Variants in TJP1 observed in about 807,000 individuals in gnomAD.
The protein encoded by TJP1 is tight junction protein ZO-1.
TJP1 carries 43 observed loss-of-function variants against 194.2 expected under a neutral mutation model. The observed-to-expected ratio is 0.22, with a 90% CI of 0.17 to 0.29. The LOEUF is 0.29. TJP1 is among the 10% of genes least tolerant of loss of function. The pLI, the probability that TJP1 is intolerant of heterozygous loss-of-function variation, is 1.00. For missense variants in TJP1, 1,971 were observed against 2,185.7 expected (o/e 0.90, Z 1.96); for synonymous variants, 801 against 779.0 (o/e 1.03, Z -0.47).
chr15:29,783,599 T>C (rs1018791363), intron 2 of TJP1, among the ~76,000 whole-genome samples: 5 of 152,102 alleles, frequency 3.3e-5, no homozygotes, highest in African/African-American at 9.7e-5. Flanking sequence ...AAAGACTAGA[T>C]GAAGTAAATG....
chr15:29,818,786 G>A (rs1714129203), intron 1 of TJP1, among the ~76,000 whole-genome samples: 1 of 148,712 alleles, frequency 6.7e-6, no homozygotes, highest in African/African-American at 2.5e-5. Context: ...AAAGTGCTGG[G>A]ATTACACCGC....
intron 2 of TJP1, among the ~76,000 whole-genome samples, chr15:29,861,943 C>T (rs1157659191): frequency 6.6e-6 from 1 of 152,122 alleles, no homozygotes. Flanking sequence ...AGACTTACTC[C>T]TGTGTTTTCT....
chr15:29,950,173 T>TACCTCCACCACCACC (rs2055674507), intron 2 of TJP1, among the ~76,000 whole-genome samples: 1 of 16,746 alleles, frequency 6.0e-5, no homozygotes, highest in African/African-American at 1.8e-4. Flanking sequence ...CCACAACCAC[T>TACCTCCACCACCACC]ACCTCCACCT....
At chr15:29,943,713 C>T (rs1596300473) in intron 2 of TJP1, among the ~76,000 whole-genome samples, 1 of 148,938 alleles carries the variant, frequency 6.7e-6, no homozygotes, top group African/African-American at 2.5e-5. Flanking sequence ...CTTTGGGAGG[C>T]CAAGGTGGGC....
At position 29,747,691 on chromosome 15, in the gene TJP1, A is replaced by C. The variant is rs1269283554; in HGVS notation, c.1011-4910T>G. ...TTGTAACTGATCAAAACTTCTAAAA[A>C]TTAAAATGTGATTAACAGACATTAC... is the stretch of plus-strand genomic sequence containing the variant. On this transcript the variant is annotated intron_variant, in intron 8 of 27. Coordinates refer to ENST00000614355, the MANE Select transcript of TJP1 (RefSeq NM_001330239.4). Among the ~76,000 whole-genome samples the C allele has an allele frequency of 2.6e-5, 4 of 152,216 alleles. No homozygotes were observed. In the South Asian group the frequency reaches 8.3e-4, roughly 31 times the overall value.
intron 1 of TJP1, among the ~76,000 whole-genome samples, chr15:29,809,965 C>T (rs1184075741): frequency 6.6e-6 from 1 of 152,144 alleles, no homozygotes; most frequent in African/African-American, 2.4e-5. Flanking sequence ...TATATTCAGA[C>T]ACATGTTGAG....
rs563535771 is a variant in TJP1 at position 29,955,753 on chromosome 15, T to TAAAAAAA, written c.306+472_306+478dup. Among the ~76,000 whole-genome samples, 103 of 35,792 alleles carry TAAAAAAA rather than the reference T, an allele frequency of 2.9e-3. 8 individuals are homozygous for TAAAAAAA. Among genetic ancestry groups the TAAAAAAA allele is most frequent in the East Asian group, 5.4e-3 (5 of 922 alleles). 23.5% of individuals were successfully genotyped at this position (35,792 alleles called of 152,430 possible). A position where few individuals can be genotyped will look rare whatever the true frequency, so the allele number is the denominator to read the frequency against. The stretch of plus-strand genomic sequence containing the variant: ...GCAACAGAAGGAGACCCTGGCTCTT[T>TAAAAAAA]AAAAAAAAAAAAAAAAAAAAAAAAA... On this transcript the variant is annotated intron_variant, in intron 2 of 28. Transcript: ENST00000356107.
chr15:29,760,988 T>C (rs533433996), intron 8 of TJP1, 151 bp downstream of exon 8: 2 of 1,043,744 alleles, frequency 1.9e-6, no homozygotes, highest in South Asian at 4.1e-5. Context: ...GCGGTTATTT[T>C]AGATTTAAAA....
At chr15:29,932,099 G>A (rs140081321) in intron 2 of TJP1, among the ~76,000 whole-genome samples, 11 of 152,268 alleles carry the variant, frequency 7.2e-5, no homozygotes, top group Non-Finnish European at 1.0e-4. Flanking sequence ...ATCTTGTGCT[G>A]TCTCCTGTCT....
intron 1 of TJP1, 46 bp from the exon 2 acceptor site, chr15:29,800,748 G>A: frequency 1.3e-6 from 2 of 1,591,394 alleles, no homozygotes; most frequent in South Asian, 2.2e-5. Context: ...TTAAGAAAAT[G>A]TCCTTAATAA....
intron 2 of TJP1, among the ~76,000 whole-genome samples, chr15:29,892,759 A>C (rs2053354179): frequency 6.6e-6 from 1 of 152,200 alleles, no homozygotes; most frequent in Non-Finnish European, 1.5e-5. Flanking sequence ...TGCTCAGAAA[A>C]AGATTCCTTT....
At chr15:29,762,278 T>TA in intron 6 of TJP1, 57 bp downstream of exon 6, 4 of 1,425,652 alleles carry the variant, frequency 2.8e-6, no homozygotes, top group Non-Finnish European at 3.9e-6. Flanking sequence ...GACTACATGG[T>TA]AACTCTAGAA....
chr15:29,754,332 G>A (rs527462531), intron 8 of TJP1, among the ~76,000 whole-genome samples: 65 of 152,198 alleles, frequency 4.3e-4, no homozygotes, highest in African/African-American at 1.5e-3. Flanking sequence ...AAGAACTTAC[G>A]AACACAAAGA....
intron 1 of TJP1, 46 bp downstream of exon 1, chr15:29,821,956 G>T: frequency 8.2e-7 from 1 of 1,222,280 alleles, no homozygotes. Flanking sequence ...TGGGCGGGCG[G>T]CGACGGTCGG....
chr15:29,750,338 C>T (rs537611005), intron 8 of TJP1, among the ~76,000 whole-genome samples: 3 of 151,984 alleles, frequency 2.0e-5, no homozygotes, highest in Admixed American at 6.6e-5. Flanking sequence ...AGGGTTTCAC[C>T]GTGTTGCCCA....
At chr15:29,955,491 G>GA (rs1312508552) in intron 2 of TJP1, among the ~76,000 whole-genome samples, 7 of 151,750 alleles carry the variant, frequency 4.6e-5, no homozygotes, top group Non-Finnish European at 1.5e-5. Flanking sequence ...ACTTGGCCTT[G>GA]AAAAAAATAT....
At chr15:29,933,121 C>A (rs1210977191) in intron 2 of TJP1, among the ~76,000 whole-genome samples, 1 of 152,070 alleles carries the variant, frequency 6.6e-6, no homozygotes, top group Non-Finnish European at 1.5e-5. Flanking sequence ...TGGATTTTTT[C>A]TTTACTTTGT....
In TJP1 at chr15:29,720,537, G is replaced by A. The variant is rs370774822; in HGVS notation, c.2584C>T (p.Leu862Phe). Residue 862 changes from leucine to phenylalanine, a missense_variant, in exon 19 of 28, where the codon CTT becomes TTT. Physicochemically the swap from Leu to Phe is conservative, Grantham distance 22. Transcript: ENST00000614355. ...GGTGGAGTCCCAACCTCATCATTAA[G>A]AGTTTCATCTAGTTCTTGATCAGTG... ...AYTDQELDETLNDEVGTPPES... is the reference protein window; with the variant it reads ...AYTDQELDETFNDEVGTPPES... 3.1e-6 allele frequency: 5 copies of A among 1,614,014 alleles called. No individual in the cohort carries two copies. In the African/African-American group the frequency reaches 5.3e-5, roughly 17 times the overall value.
At chr15:29,736,962 A>AT (rs1358663721) in intron 11 of TJP1, among the ~76,000 whole-genome samples, 6 of 152,236 alleles carry the variant, frequency 3.9e-5, no homozygotes, top group African/African-American at 1.4e-4. Context: ...TACCTGGTAG[A>AT]TATTATCATC....
Sources: allele counts gnomAD v4.1 joint callset (sites outside exome capture counted in the v4.1 genomes callset), GRCh38; gene constraint gnomAD v4.1.1; transcripts MANE v1.5; gene names NCBI Gene and HGNC (gene_info 2026-07-23, HGNC 2026-07-21).